Variants in POLE observed in about 807,000 individuals in gnomAD.
The protein encoded by POLE is DNA polymerase epsilon catalytic subunit A.
A neutral mutation model predicts 279.2 loss-of-function variants in POLE; 188 were observed. That is an observed-to-expected ratio of 0.67 (90% CI 0.60 to 0.76). The LOEUF is 0.76. POLE is among the 30% of genes least tolerant of loss of function. The pLI, the probability that POLE is intolerant of heterozygous loss-of-function variation, is 0.00. For missense variants in POLE, 2,703 were observed against 3,016.7 expected, an observed-to-expected ratio of 0.90 and a Z score of 2.44; for synonymous variants, 1,214 against 1,172.5, an observed-to-expected ratio of 1.04 and a Z score of -0.72.
chr12:132,658,140 G>T, intron 26 of POLE, 170 bp from the exon 27 acceptor site: 1 of 545,818 alleles, frequency 1.8e-6, no homozygotes. Context: ...CAGGTTCCTC[G>T]GGGAGTAACA....
At position 132,672,853 on chromosome 12, in the gene POLE, C is replaced by G; in HGVS notation, c.1474-14G>C. 1 of 1,609,586 alleles carries G rather than the reference C, an allele frequency of 6.2e-7. No homozygotes were observed. On this transcript the variant is annotated splice_polypyrimidine_tract_variant and intron_variant, in intron 14 of 48. Coordinates refer to ENST00000320574, the MANE Select transcript of POLE (RefSeq NM_006231.4). ...CTTCCGCAGCACCTGCAAGAGAAAC[C>G]AAGGCTTCCAGCCAAAAGCAACACC... is the stretch of plus-strand genomic sequence containing the variant.
rs1555230294 is a variant in POLE, at chr12:132,680,600, G to A, written c.285+7C>T. On this transcript the variant is annotated splice_region_variant and intron_variant, in intron 3 of 48. Transcript: ENST00000320574. The stretch of plus-strand genomic sequence containing the variant: ...TGGGTTTTAGCTTGTCGCAGTCAGG[G>A]GCTTACCTTAAATCTGCTTCCGTCA... 2 of 1,610,810 alleles carry A rather than the reference G, an allele frequency of 1.2e-6. No individual in the cohort carries two copies. Among genetic ancestry groups the A allele is most frequent in the African/African-American group, 2.7e-5 (2 of 74,942 alleles).
rs770752406 is a variant in POLE at position 132,668,962 on chromosome 12, T to C, written c.1795-23A>G. On this transcript the variant is annotated intron_variant, in intron 16 of 48. Transcript: ENST00000320574. The surrounding 1 kb of genome is among the most constrained non-coding windows in gnomAD (Gnocchi z 4.0). Reference sequence around the variant, plus strand: ...CACCTGCAGAGAAAGCGAAACTCAGTAGAGGCTGGTGACCAAGCTTGCCTC... The same window carrying C: ...CACCTGCAGAGAAAGCGAAACTCAGCAGAGGCTGGTGACCAAGCTTGCCTC... 5.0e-6 allele frequency: 8 copies of C among 1,609,288 alleles called. No individual in the cohort carries two copies. The highest frequency in any genetic ancestry group is 6.0e-6 in the Non-Finnish European group (7 of 1,176,446).
intron 1 of POLE, among the ~76,000 whole-genome samples, chr12:132,686,350 C>G (rs1297947975): frequency 6.6e-6 from 1 of 152,114 alleles, no homozygotes; most frequent in Non-Finnish European, 1.5e-5. Context: ...CTTGACCTGC[C>G]GGGCTCAGGT....
chr12:132,668,531 A>G lies in POLE; in HGVS notation c.2027-29T>C, dbSNP rs2135976745. 1.3e-6 allele frequency: 2 copies of G among 1,580,460 alleles called. No homozygotes were observed. Among genetic ancestry groups the G allele is most frequent in the Non-Finnish European group, 1.7e-6 (2 of 1,159,062 alleles). On this transcript the variant is annotated intron_variant, in intron 18 of 48. Transcript: ENST00000320574. This position sits in a 1 kb window ranked among gnomAD's most constrained non-coding sequence, Gnocchi z 4.0. ...GGAAGGAGGCAATGGGGGCAAGTTC[A>G]AAAGGAGGCACAGACACACCGGCTT...
At chr12:132,653,020 G>C (rs2042457399) in intron 29 of POLE, among the ~76,000 whole-genome samples, 1 of 152,146 alleles carries the variant, frequency 6.6e-6, no homozygotes, top group African/African-American at 2.4e-5. Context: ...TTTTAATACT[G>C]AGTCCTTTCA....
intron 23 of POLE, among the ~76,000 whole-genome samples, chr12:132,662,621 T>C (rs538869166): frequency 1.3e-4 from 20 of 152,252 alleles, no homozygotes; most frequent in South Asian, 8.3e-4. Context: ...AAGCACCCCA[T>C]CTCGGGTTTT....
rs2043087234 is a variant in POLE, at chr12:132,677,675, G to C, written c.623C>G (p.Ser208Cys). ...GGVITDEEET[S>C]KKIADQLDNI... is the part of the protein sequence containing the mutation. Reference sequence around the variant, plus strand: ...GTCCAACTGGTCAGCTATCTTCTTAGAGGTTTCCTCTTCATCAGTAATGAC... The same window carrying C: ...GTCCAACTGGTCAGCTATCTTCTTACAGGTTTCCTCTTCATCAGTAATGAC... The change falls in exon 7 of 49, where the codon TCT becomes TGT. Residue 208 changes from serine to cysteine, a missense_variant. Physicochemically the swap from Ser to Cys is moderately radical, Grantham distance 112. Around this residue, in one of 5 missense-constraint regions of POLE, gnomAD observed 1,011 missense variants for 1,111.7 expected, o/e 0.91. Transcript: ENST00000320574. The C allele has an allele frequency of 1.2e-6, 2 of 1,614,148 alleles. No individual in the cohort carries two copies. Among genetic ancestry groups the C allele is most frequent in the Non-Finnish European group, 1.7e-6 (2 of 1,179,992 alleles).
At chr12:132,632,871 C>T in intron 43 of POLE, 76 bp from the exon 44 acceptor site, 1 of 1,485,380 alleles carries the variant, frequency 6.7e-7, no homozygotes, top group East Asian at 2.3e-5. Context: ...GGACCCATGG[C>T]TGGTCAGATT....
In POLE at chr12:132,668,516, A is replaced by G. The variant is rs750736881; in HGVS notation, c.2027-14T>C. The G allele has an allele frequency of 2.7e-5, 42 of 1,582,066 alleles. No homozygotes were observed. The East Asian group carries it at 9.5e-4, about 36-fold the overall frequency. ...GACTGGCTGGCACTGGGAAGGAGGC[A>G]ATGGGGGCAAGTTCAAAAGGAGGCA... is the stretch of plus-strand genomic sequence containing the variant. On this transcript the variant is annotated splice_polypyrimidine_tract_variant and intron_variant, in intron 18 of 48. Transcript: ENST00000320574. The surrounding 1 kb of genome is among the most constrained non-coding windows in gnomAD (Gnocchi z 4.0).
intron 9 of POLE, 89 bp downstream of exon 9, chr12:132,676,457 T>C (rs2043053419): frequency 1.1e-6 from 1 of 886,326 alleles, no homozygotes; most frequent in Non-Finnish European, 1.9e-6. Context: ...ACTCAACAAA[T>C]ACTAACAGTG....
At chr12:132,644,058 G>T in intron 32 of POLE, 81 bp from the exon 33 acceptor site, 1 of 1,428,432 alleles carries the variant, frequency 7.0e-7, no homozygotes, top group Non-Finnish European at 9.3e-7. Flanking sequence ...CACGCTATTC[G>T]GAGTCCTAGA....
In POLE at chr12:132,680,736, T is replaced by A. The variant is rs764068092; in HGVS notation, c.205-49A>T. The A allele has an allele frequency of 1.3e-5, 19 of 1,428,016 alleles. No homozygotes were observed. The African/African-American group carries it at 2.7e-4, about 20-fold the overall frequency. 88.5% of individuals were successfully genotyped at this position (1,428,016 alleles called of 1,614,324 possible). ...GACACAAGACCATCCTCTACACAGT[T>A]AGAGAAACTTTCCTCCTACCTTTCG... On this transcript the variant is annotated intron_variant, in intron 2 of 48. Coordinates refer to ENST00000320574, the MANE Select transcript of POLE (RefSeq NM_006231.4).
rs2043025299 is a variant in POLE at position 132,675,462 on chromosome 12, C to T, written c.1162G>A (p.Gly388Ser). 1.2e-6 allele frequency: 2 copies of T among 1,614,180 alleles called. No homozygotes were observed. Among genetic ancestry groups the T allele is most frequent in the Non-Finnish European group, 1.7e-6 (2 of 1,180,030 alleles). ...TCCCCCTGGCTGTCCTTCTGGAAGC[C>T]TATCTCCTGCTGCATGCTCAGACCG... ...VHGLSMQQEI[G>S]FQKDSQGEYK... Residue 388 changes from glycine to serine, a missense_variant, in exon 12 of 49, where the codon GGC becomes AGC. Around this residue, in one of 5 missense-constraint regions of POLE, gnomAD observed 1,011 missense variants for 1,111.7 expected, o/e 0.91. Coordinates refer to ENST00000320574, the MANE Select transcript of POLE (RefSeq NM_006231.4). The surrounding 1 kb of genome is among the most constrained non-coding windows in gnomAD (Gnocchi z 4.3).
At chr12:132,646,659 C>T (rs370533379) in intron 32 of POLE, among the ~76,000 whole-genome samples, 14 of 151,854 alleles carry the variant, frequency 9.2e-5, no homozygotes, top group East Asian at 7.8e-4. Context: ...CAGAGAAACC[C>T]CATCTCTACT....
intron 1 of POLE, among the ~76,000 whole-genome samples, chr12:132,683,448 C>T (rs2043208974): frequency 6.6e-6 from 1 of 152,296 alleles, no homozygotes; most frequent in African/African-American, 2.4e-5. Flanking sequence ...CATATTACGA[C>T]TTCTGACTTC....
intron 20 of POLE, 82 bp from the exon 21 acceptor site, chr12:132,665,532 T>C (rs2042777800): frequency 2.7e-6 from 4 of 1,455,334 alleles, no homozygotes; most frequent in African/African-American, 1.4e-5. Context: ...GTTTTTAGTA[T>C]TTTGAAAATT....
In POLE at chr12:132,649,507, C is replaced by G. The variant is rs769948095; in HGVS notation, c.3804G>C (p.Trp1268Cys). ...TCTTGTGGAACCGGAGCCAGACAAG[C>G]CATTCCTCCTGGGATGGATGGTGAG... ...PPALGTSQEE[W>C]LVWLRFHKKK... is the part of the protein sequence containing the mutation. Residue 1268 changes from tryptophan to cysteine, a missense_variant, in exon 31 of 49, where the codon TGG becomes TGC. Coordinates refer to ENST00000320574, the MANE Select transcript of POLE (RefSeq NM_006231.4). 6.2e-7 allele frequency: 1 copy of G among 1,612,610 alleles called. No homozygotes were observed. The highest frequency in any genetic ancestry group is 8.5e-7 in the Non-Finnish European group (1 of 1,179,960).
rs1308684967 is a variant in POLE at position 132,664,584 on chromosome 12, T to C, written c.2469-122A>G. The C allele has an allele frequency of 1.4e-6, 1 of 737,020 alleles. No homozygotes were observed. The highest frequency in any genetic ancestry group is 2.4e-6 in the Non-Finnish European group (1 of 421,012). 45.7% of individuals were successfully genotyped at this position (737,020 alleles called of 1,614,324 possible). On this transcript the variant is annotated intron_variant, in intron 21 of 48. Transcript: ENST00000320574. This position sits in a 1 kb window ranked among gnomAD's most constrained non-coding sequence, Gnocchi z 5.3. ...GACAGGGACAAGGGAAGCAGCCAAA[T>C]GTGCGTGCACCAGGACAGAACTAAG...
Sources: gnomAD v4.1 joint callset for allele counts (sites outside exome capture counted in the v4.1 genomes callset) on GRCh38, gnomAD v4.1.1 for gene constraint, gnomAD v4.1.1 regional missense constraint, Gnocchi (gnomAD v3.1) non-coding constraint, MANE v1.5 for transcripts, NCBI Gene and HGNC (gene_info 2026-07-23, HGNC 2026-07-21) for gene names.